Variants in DNAJB13 observed in about 807,000 individuals in gnomAD.
DNAJB13 encodes dnaJ homolog subfamily B member 13.
A neutral mutation model predicts 35.6 loss-of-function variants in DNAJB13; 22 were observed. That is an observed-to-expected ratio of 0.62 (90% CI 0.44 to 0.88). DNAJB13 has a LOEUF of 0.88. DNAJB13 is among the 40% of genes least tolerant of loss of function. DNAJB13 has a pLI of 0.00. For missense variants in DNAJB13, 370 were observed against 384.3 expected, an observed-to-expected ratio of 0.96 and a Z score of 0.31; for synonymous variants, 136 against 144.2, an observed-to-expected ratio of 0.94 and a Z score of 0.41.
At position 73,964,800 on chromosome 11, in the gene DNAJB13, TGTGTGTGTGTGTGC is replaced by T. The variant is rs753807444; in HGVS notation, c.335-76_335-63del. On this transcript the variant is annotated intron_variant, in intron 3 of 7. Coordinates refer to ENST00000339764, the MANE Select transcript of DNAJB13 (RefSeq NM_153614.4). ...GTGTGTGTGTGTGTGTGTGTGTGTG[TGTGTGTGTGTGTGC>T]GCGCGCGCGCATGTCTGGGTCTCTG... 4.4e-4 allele frequency: 445 copies of T among 1,021,648 alleles called. 7 individuals carry two copies. In the African/African-American group the frequency reaches 6.1e-3, roughly 14 times the overall value. The allele number at this position is 1,021,648 out of a possible 1,614,324, so 63.3% of individuals were successfully genotyped here. A position where few individuals can be genotyped will look rare whatever the true frequency, so the allele number is the denominator to read the frequency against.
At chr11:73,953,989 A>AAATAATAATAAAAT (rs1565166701) in intron 1 of DNAJB13, among the ~76,000 whole-genome samples, 1 of 125,686 alleles carries the variant, frequency 8.0e-6, no homozygotes, top group Non-Finnish European at 1.6e-5. Context: ...TCTGTCTCAA[A>AAATAATAATAAAAT]AATAATAATA....
At chr11:73,956,034 T>C (rs1414733564) in intron 1 of DNAJB13, among the ~76,000 whole-genome samples, 1 of 152,204 alleles carries the variant, frequency 6.6e-6, no homozygotes, top group Non-Finnish European at 1.5e-5. Flanking sequence ...CACAGTGAGA[T>C]GGACTGTCCT....
At chr11:73,951,993 A>G (rs758611077) in intron 1 of DNAJB13, among the ~76,000 whole-genome samples, 25 of 152,060 alleles carry the variant, frequency 1.6e-4, no homozygotes, top group Non-Finnish European at 3.1e-4. Flanking sequence ...CGTCTACCAC[A>G]AGGGTTGAGA....
Position 73,958,419 on chromosome 11 carries a change from C to T in DNAJB13, c.171C>T (p.Asp57=). The change falls in exon 2 of 8, where the codon GAC becomes GAT. Residue 57 remains aspartate (D), a splice_region_variant and synonymous_variant. Coordinates refer to ENST00000339764, the MANE Select transcript of DNAJB13 (RefSeq NM_153614.4). ...CAGAGGCCTACGACGTGCTGAGTGA[C>T]CGTGAGTAGGTGTGGGGCTGAGCAC... ...QIAEAYDVLS[D]PMKRGIYDKF... The T allele has an allele frequency of 6.2e-7, 1 of 1,613,866 alleles. No individual in the cohort carries two copies.
rs779540075 is a variant in DNAJB13, at chr11:73,958,241, G to C, written c.69-76G>C. On this transcript the variant is annotated intron_variant, in intron 1 of 7. Coordinates refer to ENST00000339764, the MANE Select transcript of DNAJB13 (RefSeq NM_153614.4). ...TTATAGCTAGGCAGGAGTGAACAGA[G>C]TGCCGGCTCTGAACTCTGGTCCGCC... 9 of 1,466,566 alleles carry C rather than the reference G, an allele frequency of 6.1e-6. No individual in the cohort carries two copies. The East Asian group carries it at 2.0e-4, about 33-fold the overall frequency. The allele number at this position is 1,466,566 out of a possible 1,614,324, so 90.8% of individuals were successfully genotyped here.
intron 2 of DNAJB13, 77 bp downstream of exon 2, chr11:73,958,497 G>T (rs1286251917): frequency 6.7e-6 from 9 of 1,341,918 alleles, no homozygotes; most frequent in Non-Finnish European, 7.3e-6. Context: ...GTTTTCTGAG[G>T]GGGCCCAATA....
intron 3 of DNAJB13, among the ~76,000 whole-genome samples, chr11:73,960,499 T>C (rs562342140): frequency 6.6e-6 from 1 of 152,130 alleles, no homozygotes; most frequent in South Asian, 2.1e-4. Flanking sequence ...GTATTTTTCA[T>C]AGAGTAGAGA....
At chr11:73,960,526 T>C (rs1384262261) in intron 3 of DNAJB13, among the ~76,000 whole-genome samples, 1 of 151,582 alleles carries the variant, frequency 6.6e-6, no homozygotes, top group South Asian at 2.1e-4. Context: ...TTCGCCATGT[T>C]GGCCAGGCTG....
At chr11:73,966,845 ATTTTTTT>A (rs770257573) in intron 5 of DNAJB13, among the ~76,000 whole-genome samples, 103 of 98,230 alleles carry the variant, frequency 1.0e-3, no homozygotes, top group Admixed American at 8.1e-3. Flanking sequence ...CGCCCAGCTA[ATTTTTTT>A]TTTTTTTTTT....
At chr11:73,956,232 C>A (rs143766383) in intron 1 of DNAJB13, among the ~76,000 whole-genome samples, 2 of 152,248 alleles carry the variant, frequency 1.3e-5, no homozygotes, top group Non-Finnish European at 2.9e-5. Flanking sequence ...GGGAGTCTAA[C>A]CTAGAAAGGA....
intron 5 of DNAJB13, chr11:73,967,837 C>T (rs1256240153): frequency 5.6e-6 from 1 of 179,978 alleles, no homozygotes; most frequent in African/African-American, 2.3e-5. Context: ...CTCTGGGCAG[C>T]CTCCTCTGAG....
chr11:73,970,052 C>A lies in DNAJB13; in HGVS notation c.889C>A (p.Gln297Lys). The change falls in exon 8 of 8, where the codon CAG becomes AAG. Residue 297 changes from glutamine to lysine, a missense_variant. Physicochemically the swap from Gln to Lys is moderately conservative, Grantham distance 53. Transcript: ENST00000339764. ...KGDLFIFFDI[Q>K]FPTRLTPQKK... is the part of the protein sequence containing the mutation. The stretch of plus-strand genomic sequence containing the variant: ...GGATCTCTTCATCTTCTTCGACATC[C>A]AGTTCCCCACCCGCCTCACACCCCA... The A allele has an allele frequency of 6.2e-7, 1 of 1,611,188 alleles. No homozygotes were observed.
chr11:73,965,503 T>C (rs1187299472), intron 4 of DNAJB13: 1 of 160,894 alleles, frequency 6.2e-6, no homozygotes, highest in East Asian at 1.8e-4. Context: ...CAGTGCCTCA[T>C]GTCTAGTCCT....
intron 7 of DNAJB13, 145 bp from the exon 8 acceptor site, chr11:73,969,816 C>A: frequency 9.4e-7 from 1 of 1,060,462 alleles, no homozygotes; most frequent in Non-Finnish European, 1.3e-6. Context: ...CTTTCCCAAC[C>A]AGTTCTGGCT....
Position 73,959,660 on chromosome 11 carries a change from G to A in DNAJB13, c.334+5G>A. The A allele has an allele frequency of 1.2e-6, 2 of 1,612,526 alleles. No individual in the cohort carries two copies. Among genetic ancestry groups the A allele is most frequent in the Non-Finnish European group, 1.7e-6 (2 of 1,178,844 alleles). On this transcript the variant is annotated splice_donor_5th_base_variant and intron_variant, in intron 3 of 7. Coordinates refer to ENST00000339764, the MANE Select transcript of DNAJB13 (RefSeq NM_153614.4). The stretch of plus-strand genomic sequence containing the variant: ...GTGGAAACAACCCCTTCAGTGGTAA[G>A]AGGTCTTCCTCCCCCACCTTGCCTT...
intron 5 of DNAJB13, among the ~76,000 whole-genome samples, chr11:73,967,337 CAT>C (rs1391938277): frequency 1.3e-5 from 2 of 152,036 alleles, no homozygotes; most frequent in African/African-American, 2.4e-5. Flanking sequence ...TAAATAAAAA[CAT>C]AAATTTATTG....
intron 1 of DNAJB13, among the ~76,000 whole-genome samples, chr11:73,952,445 A>C (rs1321303322): frequency 2.0e-5 from 3 of 152,212 alleles, no homozygotes; most frequent in Non-Finnish European, 4.4e-5. Flanking sequence ...CCACAAGTGC[A>C]CTAGTAAATG....
At chr11:73,955,346 C>T (rs12795047) in intron 1 of DNAJB13, among the ~76,000 whole-genome samples, 11,615 of 148,970 alleles carry the variant, frequency 0.078, 566 homozygotes, top group African/African-American at 0.13. Flanking sequence ...TCTCTCTCTG[C>T]CACCCAGGCT....
chr11:73,954,639 AAATAAAAT>A (rs1205554742), intron 1 of DNAJB13, among the ~76,000 whole-genome samples: 2 of 119,966 alleles, frequency 1.7e-5, no homozygotes, highest in South Asian at 2.9e-4. Context: ...CAAAAAAAAA[AAATAAAAT>A]AAATAAATAA....
Sources: gnomAD v4.1 joint callset for allele counts (sites outside exome capture counted in the v4.1 genomes callset) on GRCh38, gnomAD v4.1.1 for gene constraint, MANE v1.5 for transcripts, NCBI Gene and HGNC (gene_info 2026-07-23, HGNC 2026-07-21) for gene names.